The following PPARGC1B variants were observed in gnomAD, a reference collection of about 807,000 sequenced individuals.
PPARGC1B encodes the protein PPARG coactivator 1 beta, also known as peroxisome proliferator-activated receptor gamma coactivator 1-beta.
PPARGC1B carries 34 observed loss-of-function variants against 101.6 expected under a neutral mutation model. The observed-to-expected ratio is 0.33, with a 90% CI of 0.25 to 0.45. The LOEUF is 0.45. PPARGC1B is among the 20% of genes least tolerant of loss of function. The pLI, the probability that PPARGC1B is intolerant of heterozygous loss-of-function variation, is 1.00. For synonymous variants in PPARGC1B, 548 were observed against 539.3 expected, an observed-to-expected ratio of 1.02 and a Z score of -0.22; for missense variants, 1,234 against 1,317.6, an observed-to-expected ratio of 0.94 and a Z score of 0.98.
chr5:149,836,326 T>A lies in PPARGC1B; in HGVS notation c.1871T>A (p.Ile624Asn). Reference sequence around the variant, plus strand: ...GAGGAGGATCCCTTCAAACCAGACATCAAGCATAGTCTAGGCAAAGAAATA... The same window carrying A: ...GAGGAGGATCCCTTCAAACCAGACAACAAGCATAGTCTAGGCAAAGAAATA... Reference protein sequence around the residue: ...PTEEDPFKPDIKHSLGKEIAL... With the variant: ...PTEEDPFKPDNKHSLGKEIAL... The change falls in exon 8 of 12, where the codon ATC (isoleucine) becomes AAC (asparagine). Residue 624 changes from isoleucine to asparagine, a missense_variant. Ile to Asn is a moderately radical substitution (Grantham distance 149). Coordinates refer to ENST00000309241, the MANE Select transcript of PPARGC1B (RefSeq NM_133263.4). The A allele has an allele frequency of 1.2e-6, 2 of 1,613,390 alleles. No homozygotes were observed. Among genetic ancestry groups the A allele is most frequent in the Non-Finnish European group, 1.7e-6 (2 of 1,179,752 alleles).
chr5:149,843,655 G>A (rs1759436981), intron 10 of PPARGC1B, among the ~76,000 whole-genome samples: 1 of 152,142 alleles, frequency 6.6e-6, no homozygotes. Context: ...ATATTCAGAA[G>A]AATTGAAAAC....
At chr5:149,755,001 A>G (rs528308540) in intron 1 of PPARGC1B, among the ~76,000 whole-genome samples, 24 of 146,606 alleles carry the variant, frequency 1.6e-4, no homozygotes, top group African/African-American at 5.8e-4. Context: ...ACACATATAC[A>G]CTACATATAT....
At chr5:149,786,365 G>A (rs1202054178) in intron 1 of PPARGC1B, among the ~76,000 whole-genome samples, 2 of 152,038 alleles carry the variant, frequency 1.3e-5, no homozygotes, top group African/African-American at 4.8e-5. Flanking sequence ...CAAAGTGCTG[G>A]GATTACAGGC....
chr5:149,805,346 G>A (rs1319500667), intron 1 of PPARGC1B, among the ~76,000 whole-genome samples: 1 of 152,196 alleles, frequency 6.6e-6, no homozygotes, highest in Non-Finnish European at 1.5e-5. Context: ...AAATAGGTAC[G>A]TGTATATGAG....
downstream of PPARGC1B, among the ~76,000 whole-genome samples, chr5:149,856,582 A>T (rs770356164): frequency 2.4e-4 from 37 of 152,198 alleles, no homozygotes; most frequent in Non-Finnish European, 4.4e-4. Context: ...TATTGTGTGA[A>T]TTGGGCAGAC....
At chr5:149,752,581 C>T (rs965800476) in intron 1 of PPARGC1B, among the ~76,000 whole-genome samples, 1 of 152,222 alleles carries the variant, frequency 6.6e-6, no homozygotes, top group Non-Finnish European at 1.5e-5. Context: ...GTAATCCCAG[C>T]ACTTTGGGAG....
chr5:149,765,949 C>T (rs770668067), intron 1 of PPARGC1B, among the ~76,000 whole-genome samples: 1 of 151,384 alleles, frequency 6.6e-6, no homozygotes, highest in Non-Finnish European at 1.5e-5. Flanking sequence ...ATTTAAAGTA[C>T]TTGACAATAC....
chr5:149,747,890 C>G (rs114934359), intron 1 of PPARGC1B, among the ~76,000 whole-genome samples: 63 of 152,242 alleles, frequency 4.1e-4, no homozygotes, highest in African/African-American at 1.4e-3. Context: ...TTGCCAGAGG[C>G]CCATCTCCTG....
At chr5:149,774,607 A>G (rs989217091) in intron 1 of PPARGC1B, among the ~76,000 whole-genome samples, 2 of 151,532 alleles carry the variant, frequency 1.3e-5, no homozygotes, top group Admixed American at 6.6e-5. Flanking sequence ...TCATTCATCT[A>G]GCATGCAGGC....
rs781390258 is a variant in PPARGC1B at position 149,826,729 on chromosome 5, C to T, written c.309C>T (p.Ile103=). ...AGCTCACCAAGACCCTGGATGACAT[C>T]CCTGAAGATGACGTGGGTCTGGCTG... The part of the protein sequence containing the change: ...LAELTKTLDD[I]PEDDVGLAAF... The change falls in exon 3 of 12, where the codon ATC becomes ATT. Residue 103 remains isoleucine, a synonymous_variant. Transcript: ENST00000309241. 2 of 1,614,014 alleles carry T rather than the reference C, an allele frequency of 1.2e-6. No individual in the cohort carries two copies. The highest frequency in any genetic ancestry group is 2.7e-5 in the African/African-American group (2 of 74,996).
In PPARGC1B at chr5:149,826,541, G is replaced by A. The variant is rs11749124; in HGVS notation, c.253-132G>A. ...AGCTCTGCTGGGTGGGCAGAGGGGA[G>A]GGTATGGCAGGAGGGTGTTGGTGGG... is the stretch of plus-strand genomic sequence containing the variant. On this transcript the variant is annotated intron_variant, in intron 2 of 11. Coordinates refer to ENST00000309241, the MANE Select transcript of PPARGC1B (RefSeq NM_133263.4). 30,981 of 692,006 alleles carry A rather than the reference G, an allele frequency of 0.045. 1,156 individuals carry two copies. The highest frequency in any genetic ancestry group is 0.12 in the East Asian group (4,431 of 37,990). The allele number at this position is 692,006 out of a possible 1,614,324, so 42.9% of individuals were successfully genotyped here.
chr5:149,846,160 C>T (rs1759547174), intron 11 of PPARGC1B: 2 of 596,208 alleles, frequency 3.4e-6, no homozygotes, highest in Middle Eastern at 3.5e-4. Context: ...CCTCCCACGG[C>T]CTCTAGGAAG....
rs527464333 is a variant in PPARGC1B at position 149,825,630 on chromosome 5, C to T, written c.253-1043C>T. ...TTTATTTTCTTCCTAGCCTTTCTCACGCTCTGAAATGATCTTGTTTGTTTG... is the reference window on the plus strand; with the variant it reads ...TTTATTTTCTTCCTAGCCTTTCTCATGCTCTGAAATGATCTTGTTTGTTTG... On this transcript the variant is annotated intron_variant, in intron 2 of 11. Coordinates refer to ENST00000309241, the MANE Select transcript of PPARGC1B (RefSeq NM_133263.4). Among the ~76,000 whole-genome samples, 38 of 152,356 alleles carry T rather than the reference C, an allele frequency of 2.5e-4. No individual in the cohort carries two copies. The East Asian group carries it at 6.6e-3, about 26-fold the overall frequency.
chr5:149,786,915 C>T (rs924570455), intron 1 of PPARGC1B, among the ~76,000 whole-genome samples: 2 of 152,132 alleles, frequency 1.3e-5, no homozygotes, highest in Non-Finnish European at 2.9e-5. Flanking sequence ...AGAATGTGAG[C>T]GTTTGACTCT....
At chr5:149,770,387 A>G (rs1756082176) in intron 1 of PPARGC1B, among the ~76,000 whole-genome samples, 1 of 152,200 alleles carries the variant, frequency 6.6e-6, no homozygotes, top group Non-Finnish European at 1.5e-5. Flanking sequence ...CAAAGTATAA[A>G]GACGTACAGG....
At chr5:149,817,768 G>A (rs1758115341) in intron 1 of PPARGC1B, 1 of 456,596 alleles carries the variant, frequency 2.2e-6, no homozygotes, top group African/African-American at 2.0e-5. Context: ...CAGCTGATGG[G>A]AGTGTACAAA....
chr5:149,821,089 C>T (rs1053994930), intron 2 of PPARGC1B, among the ~76,000 whole-genome samples: 16 of 152,222 alleles, frequency 1.1e-4, no homozygotes, highest in African/African-American at 3.6e-4. Flanking sequence ...CGGGACTTTA[C>T]GACCATGATG....
At chr5:149,767,870 C>T (rs773136303) in intron 1 of PPARGC1B, among the ~76,000 whole-genome samples, 18 of 152,120 alleles carry the variant, frequency 1.2e-4, no homozygotes, top group Non-Finnish European at 2.1e-4. Context: ...ATGGTTTCTG[C>T]ATGATTCAAG....
At chr5:149,747,875 C>T (rs1255807644) in intron 1 of PPARGC1B, among the ~76,000 whole-genome samples, 2 of 152,168 alleles carry the variant, frequency 1.3e-5, no homozygotes, top group Non-Finnish European at 2.9e-5. Context: ...TGGGTGGAAG[C>T]TGCTTTGCCA....
Sources: gnomAD v4.1 joint callset for allele counts (sites outside exome capture counted in the v4.1 genomes callset) on GRCh38, gnomAD v4.1.1 for gene constraint, MANE v1.5 for transcripts, NCBI Gene and HGNC (gene_info 2026-07-23, HGNC 2026-07-21) for gene names.